SPAG16: variants seen among roughly 807,000 people sequenced by gnomAD.
The protein encoded by SPAG16 is sperm-associated antigen 16 protein.
SPAG16 carries 86 observed loss-of-function variants against 80.4 expected under a neutral mutation model. The observed-to-expected ratio is 1.07, with a 90% CI of 0.90 to 1.28. The LOEUF is 1.28. Ranked by LOEUF, SPAG16 falls within the 50% of genes most tolerant of loss-of-function variation. SPAG16 has a pLI of 0.00. For synonymous variants in SPAG16, 294 were observed against 265.9 expected (o/e 1.11, Z -1.03); for missense variants, 870 against 765.3 (o/e 1.14, Z -1.61).
intron 10 of SPAG16, among the ~76,000 whole-genome samples, chr2:213,705,327 CTAGT>C (rs1204634786): frequency 2.0e-5 from 3 of 152,042 alleles, no homozygotes; most frequent in South Asian, 4.1e-4. Flanking sequence ...ATCAAGTAGA[CTAGT>C]TAATTGATTT....
chr2:214,077,958 G>T (rs922488438), intron 13 of SPAG16, among the ~76,000 whole-genome samples: 18 of 152,176 alleles, frequency 1.2e-4, no homozygotes, highest in African/African-American at 4.3e-4. Flanking sequence ...TTCTCTCATT[G>T]CAGCTGCTCT....
chr2:213,672,631 A>G (rs570546246), intron 10 of SPAG16, among the ~76,000 whole-genome samples: 1 of 152,096 alleles, frequency 6.6e-6, no homozygotes, highest in South Asian at 2.1e-4. Context: ...CATGTCATAT[A>G]TTTTTGCATC....
At chr2:213,874,941 A>G (rs114750440) in intron 11 of SPAG16, among the ~76,000 whole-genome samples, 2,175 of 152,106 alleles carry the variant, frequency 0.014, 43 homozygotes, top group African/African-American at 0.049. Context: ...TGTCATCCTT[A>G]TAGAAATATT....
At chr2:214,029,953 A>C (rs149217560) in intron 13 of SPAG16, among the ~76,000 whole-genome samples, 2 of 152,102 alleles carry the variant, frequency 1.3e-5, no homozygotes, top group African/African-American at 2.4e-5. Flanking sequence ...ACCACCTCCA[A>C]AAGTTTCCGT....
intron 12 of SPAG16, among the ~76,000 whole-genome samples, chr2:213,988,183 C>G (rs545449571): frequency 1.1e-4 from 16 of 152,088 alleles, no homozygotes; most frequent in Admixed American, 1.1e-3. Flanking sequence ...GCTATGAGCA[C>G]TTGATAAAGC....
At chr2:213,489,660 C>T (rs560125309) in intron 9 of SPAG16, among the ~76,000 whole-genome samples, 1 of 152,044 alleles carries the variant, frequency 6.6e-6, no homozygotes, top group South Asian at 2.1e-4. Flanking sequence ...GACAATTAAC[C>T]AATAATATAT....
intron 10 of SPAG16, among the ~76,000 whole-genome samples, chr2:213,832,933 A>G (rs2073759699): frequency 6.6e-6 from 1 of 151,996 alleles, no homozygotes; most frequent in East Asian, 1.9e-4. Flanking sequence ...CCACCTCTAC[A>G]CTATCTCTAC....
chr2:214,303,912 A>C (rs1694735451), intron 15 of SPAG16, among the ~76,000 whole-genome samples: 1 of 152,068 alleles, frequency 6.6e-6, no homozygotes, highest in Non-Finnish European at 1.5e-5. Flanking sequence ...TACACAGGTA[A>C]ACTTGTATCA....
chr2:213,606,671 C>A (rs2124999422), intron 10 of SPAG16, among the ~76,000 whole-genome samples: 1 of 152,238 alleles, frequency 6.6e-6, no homozygotes, highest in Non-Finnish European at 1.5e-5. Flanking sequence ...AATTTCTATT[C>A]TTATCTTTAG....
intron 9 of SPAG16, among the ~76,000 whole-genome samples, chr2:213,464,630 T>C (rs2072579230): frequency 6.6e-6 from 1 of 152,176 alleles, no homozygotes; most frequent in Non-Finnish European, 1.5e-5. Flanking sequence ...ATGAAATCCA[T>C]TTGCCAGTCT....
intron 13 of SPAG16, among the ~76,000 whole-genome samples, chr2:214,050,708 C>A (rs1191306468): frequency 1.3e-5 from 2 of 152,264 alleles, no homozygotes; most frequent in East Asian, 3.9e-4. Flanking sequence ...AATTCCAGAT[C>A]TATATACAGT....
chr2:214,018,413 T>C (rs1180272877), intron 13 of SPAG16, among the ~76,000 whole-genome samples: 28 of 152,294 alleles, frequency 1.8e-4, no homozygotes, highest in South Asian at 2.1e-4. Flanking sequence ...CATAAACAAG[T>C]TAAAATAAAT....
rs71060428 is a variant in SPAG16, at chr2:213,387,431, CTTTTTTTTTTTTTTT to C, written c.942+12327_942+12341del. Among the ~76,000 whole-genome samples the C allele has an allele frequency of 2.6e-3, 123 of 47,918 alleles. 1 individual carries two copies. The highest frequency in any genetic ancestry group is 0.014 in the African/African-American group (119 of 8,774). 31.4% of individuals were successfully genotyped at this position (47,918 alleles called of 152,430 possible). On this transcript the variant is annotated intron_variant, in intron 9 of 15. Transcript: ENST00000331683. ...TTTGGGTTGGAATGAAATGCATGCTCTTTTTTTTTTTTTTTTTTTTTTTTTTTTTGAGACAGAGTC... is the reference window on the plus strand; with the variant it reads ...TTTGGGTTGGAATGAAATGCATGCTCTTTTTTTTTTTTTTGAGACAGAGTC...
chr2:213,418,082 A>G (rs1197740573), intron 9 of SPAG16, among the ~76,000 whole-genome samples: 1 of 152,178 alleles, frequency 6.6e-6, no homozygotes, highest in Non-Finnish European at 1.5e-5. Flanking sequence ...CATATTGGTC[A>G]GGCTGGTCTT....
At chr2:213,521,072 C>T (rs2075644867) in intron 10 of SPAG16, among the ~76,000 whole-genome samples, 2 of 152,138 alleles carry the variant, frequency 1.3e-5, no homozygotes, top group African/African-American at 4.8e-5. Flanking sequence ...CTCTGATCCT[C>T]TTATGTGTGT....
chr2:214,270,273 A>G (rs1396198136), intron 15 of SPAG16, among the ~76,000 whole-genome samples: 1 of 152,206 alleles, frequency 6.6e-6, no homozygotes, highest in Non-Finnish European at 1.5e-5. Context: ...TCATTTGCAT[A>G]GTCTTTGTTC....
intron 13 of SPAG16, among the ~76,000 whole-genome samples, chr2:214,064,888 GT>G (rs1007967545): frequency 9.2e-5 from 14 of 151,678 alleles, no homozygotes; most frequent in African/African-American, 3.4e-4. Context: ...ATTTAATGCA[GT>G]TTTTGTTTTA....
intron 12 of SPAG16, among the ~76,000 whole-genome samples, chr2:213,971,052 A>G (rs532992020): frequency 2.0e-5 from 3 of 152,324 alleles, no homozygotes; most frequent in South Asian, 2.1e-4. Context: ...TTTCATTTCA[A>G]TTTAAATGTA....
At position 214,096,067 on chromosome 2, in the gene SPAG16, A is replaced by C. The variant is rs1198021002; in HGVS notation, c.1528-12129A>C. 2.6e-5 allele frequency among the ~76,000 whole-genome samples: 4 copies of C among 151,988 alleles called. No individual in the cohort carries two copies. The East Asian group carries it at 7.7e-4, about 29-fold the overall frequency. ...TAATTGAATATATAATAGAAAAAGA[A>C]GTATTTAAATTTTGACTCTATTTGC... On this transcript the variant is annotated intron_variant, in intron 13 of 15. Coordinates refer to ENST00000331683, the MANE Select transcript of SPAG16 (RefSeq NM_024532.5).
Sources: allele counts gnomAD v4.1 joint callset (sites outside exome capture counted in the v4.1 genomes callset), GRCh38; gene constraint gnomAD v4.1.1; transcripts MANE v1.5; gene names NCBI Gene and HGNC (gene_info 2026-07-23, HGNC 2026-07-21).